ZNF3: variants seen among roughly 807,000 people sequenced by gnomAD.
ZNF3 encodes the protein zinc finger protein 3.
In ZNF3, 16 loss-of-function variants were observed where a neutral mutation model predicts 36.9. The observed-to-expected ratio is 0.43, with a 90% CI of 0.29 to 0.66. ZNF3 has a LOEUF of 0.66. ZNF3 is among the 30% of genes least tolerant of loss of function. ZNF3 has a pLI of 0.13. For synonymous variants in ZNF3, 201 were observed against 201.9 expected, an observed-to-expected ratio of 1.00 and a Z score of 0.04; for missense variants, 462 against 543.1, an observed-to-expected ratio of 0.85 and a Z score of 1.48.
Position 100,071,982 on chromosome 7 carries a change from CCCTGGGGGTTAG to C in ZNF3, c.490_501del (p.Leu164_Arg167del). 1 of 1,614,116 alleles carries C rather than the reference CCCTGGGGGTTAG, an allele frequency of 6.2e-7. No individual in the cohort carries two copies. The stretch of plus-strand genomic sequence containing the variant: ...TCATTATATTTCTCGCTTCTCTCTC[CCCTGGGGGTTAG>C]CTTCTCCTCAACTGTCACTTGACCA... On this transcript the variant is annotated inframe_deletion, in exon 6 of 6. Transcript: ENST00000299667.
At chr7:100,067,841 C>T (rs1792726126), downstream of ZNF3, among the ~76,000 whole-genome samples, 1 of 152,222 alleles carries the variant, frequency 6.6e-6, no homozygotes, top group South Asian at 2.1e-4. Context: ...TCATTCCACT[C>T]CATCTTTACT....
Position 100,071,951 on chromosome 7 carries a change from C to G in ZNF3, c.533G>C (p.Gly178Ala). 6.2e-7 allele frequency: 1 copy of G among 1,614,156 alleles called. No individual in the cohort carries two copies. The highest frequency in any genetic ancestry group is 8.5e-7 in the Non-Finnish European group (1 of 1,180,024). ...GERSEKYNDFGNSFTVNSNLI... is the reference protein window; with the variant it reads ...GERSEKYNDFANSFTVNSNLI... Reference sequence around the variant, plus strand: ...GTTGGAATTCACAGTGAAGCTGTTCCCAAAATCATTATATTTCTCGCTTCT... The same window carrying G: ...GTTGGAATTCACAGTGAAGCTGTTCGCAAAATCATTATATTTCTCGCTTCT... Residue 178 changes from glycine (G) to alanine (A), a missense_variant, in exon 6 of 6, where the codon GGG (glycine) becomes GCG (alanine). Transcript: ENST00000299667.
intron 2 of ZNF3, chr7:100,079,142 G>C (rs1388319291): frequency 1.3e-5 from 2 of 152,232 alleles, no homozygotes; most frequent in African/African-American, 2.4e-5. Flanking sequence ...TCCCTTCAAT[G>C]GTGTCTCAGA....
exon 6 of ZNF3, chr7:100,064,146 C>T (rs1463952581): frequency 1.2e-6 from 2 of 1,614,102 alleles, no homozygotes; most frequent in Non-Finnish European, 8.5e-7. Flanking sequence ...TCAGCCACAG[C>T]TCAAACCTCA....
At chr7:100,080,349 C>A (rs1490371337) in intron 1 of ZNF3, among the ~76,000 whole-genome samples, 1 of 152,144 alleles carries the variant, frequency 6.6e-6, no homozygotes, top group African/African-American at 2.4e-5. Context: ...CAATGACTGG[C>A]GACCTGCAGT....
rs1023341106 is a variant in ZNF3 at position 100,071,379 on chromosome 7, C to T, written c.1105G>A (p.Glu369Lys). The T allele has an allele frequency of 2.0e-5, 33 of 1,613,818 alleles. No homozygotes were observed. Among genetic ancestry groups the T allele is most frequent in the Non-Finnish European group, 2.5e-5 (29 of 1,179,978 alleles). ...QRIHTGEKPY[E>K]CMECGGKFTY... is the part of the protein sequence containing the mutation. ...AACTTTCCTCCACATTCCATACATT[C>T]GTAGGGCTTCTCTCCAGTGTGGATT... The change falls in exon 6 of 6, where the codon GAA becomes AAA. Residue 369 changes from glutamate (E) to lysine (K), a missense_variant. Coordinates refer to ENST00000299667, the MANE Select transcript of ZNF3 (RefSeq NM_032924.5).
intron 2 of ZNF3, chr7:100,078,655 T>G (rs1194872607): frequency 6.6e-6 from 1 of 152,102 alleles, no homozygotes; most frequent in Admixed American, 6.6e-5. Context: ...ACCATTGTAC[T>G]CCAGCCTGGG....
At chr7:100,073,639 C>T (rs1270405308) in intron 5 of ZNF3, among the ~76,000 whole-genome samples, 4 of 151,876 alleles carry the variant, frequency 2.6e-5, no homozygotes, top group Non-Finnish European at 4.4e-5. Context: ...CATGAGCCAC[C>T]GCGCCTGGCC....
At chr7:100,067,170 T>C (rs1792692680), downstream of ZNF3, among the ~76,000 whole-genome samples, 1 of 152,256 alleles carries the variant, frequency 6.6e-6, no homozygotes, top group South Asian at 2.1e-4. Flanking sequence ...CAGGGAACTC[T>C]GTTCTGTGGC....
Position 100,075,700 on chromosome 7 carries a change from A to C in ZNF3, c.56-70T>G, listed in dbSNP as rs529332020. The C allele has an allele frequency of 8.0e-6, 12 of 1,491,966 alleles. No homozygotes were observed. In the East Asian group the frequency reaches 2.5e-4, roughly 31 times the overall value. The allele number at this position is 1,491,966 out of a possible 1,614,324, so 92.4% of individuals were successfully genotyped here. On this transcript the variant is annotated intron_variant, in intron 3 of 5. Coordinates refer to ENST00000299667, the MANE Select transcript of ZNF3 (RefSeq NM_032924.5). ...TGACCTCCCAACCTGCTGACTTCCCAACCCACAGAAAGCTCCCGGGGTCCT... is the reference window on the plus strand; with the variant it reads ...TGACCTCCCAACCTGCTGACTTCCCCACCCACAGAAAGCTCCCGGGGTCCT...
At chr7:100,066,762 T>C (rs1562854386), downstream of ZNF3, among the ~76,000 whole-genome samples, 1 of 151,474 alleles carries the variant, frequency 6.6e-6, no homozygotes, top group East Asian at 2.0e-4. Flanking sequence ...AGGCCGGGTG[T>C]GGTGGCTCAC....
intron 5 of ZNF3, 57 bp downstream of exon 5, chr7:100,075,078 C>G (rs751123235): frequency 6.5e-7 from 1 of 1,536,542 alleles, no homozygotes; most frequent in Non-Finnish European, 8.7e-7. Context: ...TTGTTACTAG[C>G]AAACGAAGAA....
At chr7:100,068,989 A>G (rs911990545), downstream of ZNF3, among the ~76,000 whole-genome samples, 5 of 150,844 alleles carry the variant, frequency 3.3e-5, no homozygotes, top group Non-Finnish European at 5.9e-5. Context: ...GCTGATATAT[A>G]TATATAATTT....
In ZNF3 at chr7:100,071,103, G is replaced by A. The variant is rs957662615; in HGVS notation, c.*40C>T. 1.3e-6 allele frequency: 2 copies of A among 1,540,464 alleles called. No individual in the cohort carries two copies. The highest frequency in any genetic ancestry group is 1.4e-5 in the African/African-American group (1 of 72,484). ...TTTATAGGGTAAGGCAAGAGCTCTT[G>A]AGACTCAGGGAAAGTGAGGAAAATG... On this transcript the variant is annotated 3_prime_UTR_variant, in exon 6 of 6. Coordinates refer to ENST00000299667, the MANE Select transcript of ZNF3 (RefSeq NM_032924.5).
rs1309515051 is a variant in ZNF3, at chr7:100,070,861, T to G, written c.*282A>C. 3.4e-6 allele frequency: 4 copies of G among 1,186,574 alleles called. No homozygotes were observed. In the African/African-American group the frequency reaches 6.2e-5, roughly 19 times the overall value. 73.5% of individuals were successfully genotyped at this position (1,186,574 alleles called of 1,614,324 possible). A position where few individuals can be genotyped will look rare whatever the true frequency, so the allele number is the denominator to read the frequency against. On this transcript the variant is annotated 3_prime_UTR_variant, in exon 6 of 6. Transcript: ENST00000299667. Reference sequence around the variant, plus strand: ...TGCTTCCATCCCCACCTTGGAAAGGTTCCTCTGCTGTGAGAAAAACAGTTT... The same window carrying G: ...TGCTTCCATCCCCACCTTGGAAAGGGTCCTCTGCTGTGAGAAAAACAGTTT...
chr7:100,064,494 A>C, exon 6 of ZNF3: 1 of 1,614,004 alleles, frequency 6.2e-7, no homozygotes. Context: ...ACTTCAATAA[A>C]CACCACAGAA....
chr7:100,082,120 A>G (rs976140025), upstream of ZNF3, among the ~76,000 whole-genome samples: 5 of 152,336 alleles, frequency 3.3e-5, no homozygotes, highest in Admixed American at 1.3e-4. Context: ...GGATTCATCA[A>G]TATTAAAAAA....
At chr7:100,067,915 T>TA (rs1226673581), downstream of ZNF3, among the ~76,000 whole-genome samples, 4 of 152,178 alleles carry the variant, frequency 2.6e-5, no homozygotes, top group Non-Finnish European at 5.9e-5. Flanking sequence ...AAAGAAAACT[T>TA]ACAAAATTTT....
downstream of ZNF3, among the ~76,000 whole-genome samples, chr7:100,069,575 T>C (rs1422402504): frequency 6.9e-6 from 1 of 145,532 alleles, no homozygotes; most frequent in African/African-American, 2.6e-5. Context: ...AAAAAAAAAT[T>C]AAGTCAACTT....
Sources: gnomAD v4.1 joint callset for allele counts (sites outside exome capture counted in the v4.1 genomes callset) on GRCh38, gnomAD v4.1.1 for gene constraint, MANE v1.5 for transcripts, NCBI Gene and HGNC (gene_info 2026-07-23, HGNC 2026-07-21) for gene names.